LRP1B: variants seen among roughly 807,000 people sequenced by gnomAD.
LRP1B encodes low-density lipoprotein receptor-related protein 1B.
Under a neutral mutation model 556.6 loss-of-function variants are expected in LRP1B, and 217 were observed. The ratio of observed to expected loss-of-function variants is 0.39; its 90% confidence interval spans 0.35 to 0.44. The LOEUF is 0.44. LRP1B is among the 20% of genes least tolerant of loss of function. LRP1B has a pLI of 1.00. For synonymous variants in LRP1B, 2,047 were observed against 1,865.8 expected, an observed-to-expected ratio of 1.10 and a Z score of -2.50; for missense variants, 5,053 against 5,620.8, an observed-to-expected ratio of 0.90 and a Z score of 3.23.
At chr2:140,259,366 T>C (rs1254405498) in intron 86 of LRP1B, among the ~76,000 whole-genome samples, 1 of 152,106 alleles carries the variant, frequency 6.6e-6, no homozygotes, top group Non-Finnish European at 1.5e-5. Flanking sequence ...GTATTAAGCC[T>C]GTCTAGTTCT....
chr2:140,476,294 G>A (rs1477481194), intron 59 of LRP1B, among the ~76,000 whole-genome samples: 1 of 145,974 alleles, frequency 6.9e-6, no homozygotes, highest in African/African-American at 2.5e-5. Context: ...ATTAAAATCT[G>A]TTAACACAAG....
At chr2:142,098,788 C>T (rs766833031) in intron 1 of LRP1B, among the ~76,000 whole-genome samples, 52 of 151,714 alleles carry the variant, frequency 3.4e-4, no homozygotes, top group Admixed American at 5.3e-4. Flanking sequence ...TGACTTGATG[C>T]CTCACGTTAT....
chr2:141,111,758 A>G (rs1229870147), intron 7 of LRP1B, among the ~76,000 whole-genome samples: 1 of 152,062 alleles, frequency 6.6e-6, no homozygotes, highest in Non-Finnish European at 1.5e-5. Flanking sequence ...TCACTTAACA[A>G]ATTCTACTCC....
chr2:141,122,383 A>G (rs1701078350), intron 7 of LRP1B, among the ~76,000 whole-genome samples: 1 of 142,466 alleles, frequency 7.0e-6, no homozygotes, highest in South Asian at 2.4e-4. Context: ...AGAATCTACA[A>G]ATAACTCAAA....
intron 68 of LRP1B, among the ~76,000 whole-genome samples, chr2:140,376,007 A>G (rs1683213599): frequency 6.7e-6 from 1 of 150,206 alleles, no homozygotes; most frequent in Non-Finnish European, 1.5e-5. Flanking sequence ...CTTTCTAGCC[A>G]CTTGTTCAGT....
Position 140,976,093 on chromosome 2 carries a change from T to G in LRP1B, c.2887+6067A>C, listed in dbSNP as rs532113777. 4.6e-5 allele frequency among the ~76,000 whole-genome samples: 7 copies of G among 152,054 alleles called. 1 individual carries two copies. In the South Asian group the frequency reaches 1.5e-3, roughly 32 times the overall value. On this transcript the variant is annotated intron_variant, in intron 18 of 90. Transcript: ENST00000389484. ...TCACCACCCCTGGCTAATTTTTTTG[T>G]ATTTTTTGTAGAGATGGGATCTGGC...
chr2:141,288,077 C>A (rs1685789357), intron 3 of LRP1B, among the ~76,000 whole-genome samples: 2 of 152,036 alleles, frequency 1.3e-5, no homozygotes, highest in South Asian at 4.1e-4. Flanking sequence ...ATCTACTATC[C>A]CAACACTTTC....
intron 33 of LRP1B, among the ~76,000 whole-genome samples, chr2:140,772,053 G>A (rs978679570): frequency 6.6e-6 from 1 of 152,208 alleles, no homozygotes; most frequent in Non-Finnish European, 1.5e-5. Context: ...CTCATCAGGA[G>A]ATGTACCACA....
intron 41 of LRP1B, among the ~76,000 whole-genome samples, chr2:140,653,317 T>C (rs1310307642): frequency 6.6e-6 from 1 of 152,218 alleles, no homozygotes; most frequent in East Asian, 1.9e-4. Flanking sequence ...CTTGAATATT[T>C]CAGGATAAGG....
At chr2:140,926,056 C>CTTTTTT (rs70991119) in intron 20 of LRP1B, among the ~76,000 whole-genome samples, 3 of 86,014 alleles carry the variant, frequency 3.5e-5, no homozygotes, top group Non-Finnish European at 5.8e-5. Context: ...TGGAGATTTT[C>CTTTTTT]TTTTTTTTTT....
intron 2 of LRP1B, among the ~76,000 whole-genome samples, chr2:141,613,595 A>G (rs988823400): frequency 4.6e-5 from 7 of 152,166 alleles, no homozygotes; most frequent in Non-Finnish European, 7.4e-5. Context: ...CAACTTGGAC[A>G]CTTTACATTG....
At chr2:141,876,485 A>G (rs1698763077) in intron 1 of LRP1B, among the ~76,000 whole-genome samples, 1 of 151,910 alleles carries the variant, frequency 6.6e-6, no homozygotes, top group Admixed American at 6.6e-5. Flanking sequence ...CCTCCATATC[A>G]ATTTACTCTT....
chr2:141,690,401 ATATATATATATATATATATATATATATAT>A (rs1691476363), intron 2 of LRP1B, among the ~76,000 whole-genome samples: 13 of 107,558 alleles, frequency 1.2e-4, no homozygotes, highest in Non-Finnish European at 1.5e-4. Context: ...CTATAAATAT[ATATATATATATATATATATATATATATAT>A]ATATATATAT....
chr2:140,864,369 C>T (rs1482200484), intron 27 of LRP1B, among the ~76,000 whole-genome samples: 1 of 151,914 alleles, frequency 6.6e-6, no homozygotes, highest in Non-Finnish European at 1.5e-5. Context: ...ATGGTGTTAA[C>T]TATGAATGTA....
intron 1 of LRP1B, among the ~76,000 whole-genome samples, chr2:142,077,009 T>C (rs926558502): frequency 6.6e-6 from 1 of 152,102 alleles, no homozygotes; most frequent in East Asian, 1.9e-4. Context: ...CCGTCTACCC[T>C]ACACTAACAC....
chr2:140,376,308 G>T (rs1435634226), intron 68 of LRP1B, among the ~76,000 whole-genome samples: 1 of 152,100 alleles, frequency 6.6e-6, no homozygotes, highest in East Asian at 1.9e-4. Context: ...TTTCGCATAT[G>T]CACTTTGCAT....
rs2105083341 is a variant in LRP1B, at chr2:140,334,510, C to A, written c.12166G>T (p.Ala4056Ser). The stretch of plus-strand genomic sequence containing the variant: ...ATCCTTCTCAGTGTACCATCCATGG[C>A]TGCTTCTTCTATATGGGAATGATCC... Reference protein sequence around the residue: ...VGDHSHIEEAAMDGTLRRILV... With the variant: ...VGDHSHIEEASMDGTLRRILV... Residue 4056 changes from alanine to serine, a missense_variant, in exon 79 of 91, where the codon GCC becomes TCC. Coordinates refer to ENST00000389484, the MANE Select transcript of LRP1B (RefSeq NM_018557.3). The A allele has an allele frequency of 6.2e-7, 1 of 1,606,698 alleles. No individual in the cohort carries two copies. The highest frequency in any genetic ancestry group is 8.5e-7 in the Non-Finnish European group (1 of 1,176,806).
chr2:141,994,968 C>A (rs1343789028), intron 1 of LRP1B, among the ~76,000 whole-genome samples: 3 of 152,078 alleles, frequency 2.0e-5, no homozygotes, highest in Non-Finnish European at 4.4e-5. Flanking sequence ...ACTGAGGCAA[C>A]CCCTTGTGTC....
intron 2 of LRP1B, among the ~76,000 whole-genome samples, chr2:141,724,677 T>C (rs1287216203): frequency 6.6e-6 from 1 of 151,632 alleles, no homozygotes; most frequent in African/African-American, 2.4e-5. Context: ...TGTTTTTGTT[T>C]GTTTTGTTTT....
Sources: gnomAD v4.1 joint callset for allele counts (sites outside exome capture counted in the v4.1 genomes callset) on GRCh38, gnomAD v4.1.1 for gene constraint, MANE v1.5 for transcripts, NCBI Gene and HGNC (gene_info 2026-07-23, HGNC 2026-07-21) for gene names.